Variants in CDH23 observed in about 807,000 individuals in gnomAD.
CDH23 encodes the protein cadherin related 23.
CDH23 carries 189 observed loss-of-function variants against 317.1 expected under a neutral mutation model. That is an observed-to-expected ratio of 0.60 (90% CI 0.53 to 0.67). The LOEUF (loss-of-function observed/expected upper bound fraction) is 0.67. Ranked by LOEUF, CDH23 falls within the 30% of genes least tolerant of loss-of-function variation. The probability of loss-of-function intolerance (pLI) is 0.00; values close to 1 mark genes in which losing one functional copy is unlikely to be tolerated. For synonymous variants in CDH23, 1,839 were observed against 1,876.8 expected (o/e 0.98, Z 0.52); for missense variants, 4,401 against 4,592.4 (o/e 0.96, Z 1.20).
At chr10:71,603,777 G>C (rs1860373064) in intron 9 of CDH23, among the ~76,000 whole-genome samples, 1 of 152,228 alleles carries the variant, frequency 6.6e-6, no homozygotes, top group Non-Finnish European at 1.5e-5. Context: ...TCTAATCCCA[G>C]CATGGTCACT....
chr10:71,517,612 GTTGACA>G (rs1854409482), intron 6 of CDH23, among the ~76,000 whole-genome samples: 1 of 152,224 alleles, frequency 6.6e-6, no homozygotes, highest in Non-Finnish European at 1.5e-5. Flanking sequence ...TGGCCCCTGA[GTTGACA>G]GCTCCACTCA....
intron 19 of CDH23, among the ~76,000 whole-genome samples, chr10:71,688,797 G>T (rs1361351356): frequency 4.6e-5 from 1 of 21,664 alleles, no homozygotes; most frequent in Admixed American, 5.0e-4. Flanking sequence ...GGAGTCAGGG[G>T]TGGTGGAGCC....
At chr10:71,657,788 T>C (rs1863480844) in intron 14 of CDH23, among the ~76,000 whole-genome samples, 1 of 151,930 alleles carries the variant, frequency 6.6e-6, no homozygotes, top group Non-Finnish European at 1.5e-5. Context: ...CTCAAACCCT[T>C]GAGACCTGAG....
At chr10:71,800,955 G>A (rs1589429718) in intron 53 of CDH23, among the ~76,000 whole-genome samples, 200 bp downstream of exon 53, 1 of 152,128 alleles carries the variant, frequency 6.6e-6, no homozygotes, top group South Asian at 2.1e-4. Context: ...GGGACCCTCT[G>A]GGAGAAATCT....
chr10:71,725,247 A>G, intron 29 of CDH23, 125 bp from the exon 30 acceptor site: 1 of 1,508,858 alleles, frequency 6.6e-7, no homozygotes, highest in Non-Finnish European at 9.2e-7. Flanking sequence ...TCTGTGTCCC[A>G]GAAGACCCGC....
chr10:71,398,428 AGTGTGTGT>A (rs143519061), intron 1 of CDH23, among the ~76,000 whole-genome samples: 8,443 of 120,208 alleles, frequency 0.07, 306 homozygotes, highest in Non-Finnish European at 0.087. Flanking sequence ...GAGACACAGG[AGTGTGTGT>A]GTGTGTGTGT....
intron 5 of CDH23, 42 bp from the exon 6 acceptor site, chr10:71,511,076 CAG>C (rs1469603394): frequency 2.5e-6 from 4 of 1,611,538 alleles, no homozygotes; most frequent in Non-Finnish European, 2.5e-6. Context: ...TGGAAGAGGC[CAG>C]AGTCAGGTGG....
intron 9 of CDH23, among the ~76,000 whole-genome samples, chr10:71,606,726 GGAGA>G (rs1860544485): frequency 6.6e-6 from 1 of 152,304 alleles, no homozygotes; most frequent in South Asian, 2.1e-4. Context: ...AGAGGATAAT[GGAGA>G]GAGAGTGACA....
chr10:71,563,308 G>C (rs889469775), intron 6 of CDH23, among the ~76,000 whole-genome samples: 3 of 152,116 alleles, frequency 2.0e-5, no homozygotes, highest in Non-Finnish European at 4.4e-5. Flanking sequence ...GCCATCCAGG[G>C]TGGTGTATGG....
intron 1 of CDH23, among the ~76,000 whole-genome samples, chr10:71,399,007 G>T (rs1407180063): frequency 6.6e-6 from 1 of 152,164 alleles, no homozygotes; most frequent in Non-Finnish European, 1.5e-5. Context: ...TTACCAAAGG[G>T]CTTGATTTGA....
chr10:71,803,292 G>T lies in CDH23; in HGVS notation c.7744G>T (p.Val2582Leu). 1 of 1,590,474 alleles carries T rather than the reference G, an allele frequency of 6.3e-7. No homozygotes were observed. The highest frequency in any genetic ancestry group is 2.3e-5 in the East Asian group (1 of 43,390). ...QSYEKFSLTVVATDGGEPPLW... is the reference protein window; with the variant it reads ...QSYEKFSLTVLATDGGEPPLW... Reference sequence around the variant, plus strand: ...CTACGAGAAGTTCAGTCTGACCGTGGTGGCCACAGATGGTGGAGAGCCCCC... The same window carrying T: ...CTACGAGAAGTTCAGTCTGACCGTGTTGGCCACAGATGGTGGAGAGCCCCC... Residue 2582 changes from valine to leucine, a missense_variant, in exon 55 of 70, where the codon GTG becomes TTG. Coordinates refer to ENST00000224721, the MANE Select transcript of CDH23 (RefSeq NM_022124.6).
intron 35 of CDH23, among the ~76,000 whole-genome samples, 196 bp from the exon 36 acceptor site, chr10:71,739,448 G>A (rs184340598): frequency 2.6e-5 from 4 of 152,298 alleles, no homozygotes; most frequent in Admixed American, 6.5e-5. Context: ...TTCCATGGGT[G>A]CTACACTACC....
At position 71,738,884 on chromosome 10, in the gene CDH23, G is replaced by A. The variant is rs147278533; in HGVS notation, c.4359+237G>A. Among the ~76,000 whole-genome samples the A allele has an allele frequency of 5.7e-3, 876 of 152,368 alleles. 8 individuals are homozygous for A. The highest frequency in any genetic ancestry group is 0.041 in the South Asian group (196 of 4,832). On this transcript the variant is annotated intron_variant, in intron 35 of 69. Transcript: ENST00000224721. ...ATGGAGCCCGAAGGCCAGCCAAGGC[G>A]CAACCCCTCAGTGAAGTTGTTTTCC...
At chr10:71,682,221 ACATTAC>A (rs1159374637) in intron 17 of CDH23, among the ~76,000 whole-genome samples, 2 of 152,228 alleles carry the variant, frequency 1.3e-5, no homozygotes, top group African/African-American at 2.4e-5. Flanking sequence ...AGTGGGGCTT[ACATTAC>A]CACCAGCTAT....
At chr10:71,569,048 G>A (rs181045074) in intron 7 of CDH23, among the ~76,000 whole-genome samples, 11 of 152,304 alleles carry the variant, frequency 7.2e-5, no homozygotes, top group African/African-American at 1.7e-4. Context: ...GAGCTTCCCC[G>A]CTCCAGCCCT....
intron 43 of CDH23, among the ~76,000 whole-genome samples, chr10:71,785,323 GGGGCCAGAGCCT>G (rs1332449510): frequency 6.6e-6 from 1 of 152,230 alleles, no homozygotes. Context: ...GTGCAGAGAT[GGGGCCAGAGCCT>G]GTGGGACCAC....
In CDH23 at chr10:71,520,765, G is replaced by T. The variant is rs1006566269; in HGVS notation, c.429+9553G>T. Reference sequence around the variant, plus strand: ...TTTTCCTGTTTCTGGGGTCTCTACAGTTTTTATCTTGGTCCCTTCACTTAT... The same window carrying T: ...TTTTCCTGTTTCTGGGGTCTCTACATTTTTTATCTTGGTCCCTTCACTTAT... On this transcript the variant is annotated intron_variant, in intron 6 of 69. Coordinates refer to ENST00000224721, the MANE Select transcript of CDH23 (RefSeq NM_022124.6). 5.9e-5 allele frequency among the ~76,000 whole-genome samples: 9 copies of T among 152,296 alleles called. No homozygotes were observed. In the East Asian group the frequency reaches 1.7e-3, roughly 29 times the overall value.
chr10:71,570,468 C>T (rs1169160411), intron 7 of CDH23, among the ~76,000 whole-genome samples: 1 of 152,202 alleles, frequency 6.6e-6, no homozygotes, highest in East Asian at 1.9e-4. Context: ...GGAAGTCAGG[C>T]CTGGGCTACT....
At chr10:71,503,495 G>A (rs1298257077) in intron 3 of CDH23, among the ~76,000 whole-genome samples, 1 of 152,204 alleles carries the variant, frequency 6.6e-6, no homozygotes, top group East Asian at 1.9e-4. Flanking sequence ...GCAGTTGTTA[G>A]CAGGATTCAT....
Sources: gnomAD v4.1 joint callset for allele counts (sites outside exome capture counted in the v4.1 genomes callset) on GRCh38, gnomAD v4.1.1 for gene constraint, MANE v1.5 for transcripts, NCBI Gene and HGNC (gene_info 2026-07-23, HGNC 2026-07-21) for gene names.